Variants in HNRNPF observed in about 807,000 individuals in gnomAD.
The protein encoded by HNRNPF is HnRNP F protein.
In HNRNPF, 2 loss-of-function variants were observed where a neutral mutation model predicts 26.0. The ratio of observed to expected loss-of-function variants is 0.08; its 90% confidence interval spans 0.03 to 0.24. HNRNPF has a LOEUF of 0.24. Among genes scored for constraint, HNRNPF ranks in the 10% least tolerant of loss-of-function variants. The pLI, the probability that HNRNPF is intolerant of heterozygous loss-of-function variation, is 1.00. For synonymous variants in HNRNPF, 234 were observed against 211.5 expected (o/e 1.11, Z -0.92); for missense variants, 299 against 539.2 (o/e 0.55, Z 4.41).
At chr10:43,397,791 T>C (rs1838605521) in intron 1 of HNRNPF, among the ~76,000 whole-genome samples, 1 of 152,236 alleles carries the variant, frequency 6.6e-6, no homozygotes, top group African/African-American at 2.4e-5. Context: ...TATTGCAGAA[T>C]TGTAAATTTT....
chr10:43,397,413 A>T (rs1838588670), intron 1 of HNRNPF: 1 of 152,306 alleles, frequency 6.6e-6, no homozygotes, highest in Admixed American at 6.5e-5. Flanking sequence ...GGAGAGAGTC[A>T]GGGCGGCGGG....
intron 1 of HNRNPF, among the ~76,000 whole-genome samples, chr10:43,398,070 C>A (rs1184600820): frequency 1.3e-5 from 2 of 152,204 alleles, no homozygotes; most frequent in East Asian, 3.8e-4. Context: ...CTCTGTCACC[C>A]AGGCTGGAGT....
In HNRNPF at chr10:43,387,863, C is replaced by T; in HGVS notation, c.22G>A (p.Gly8Ser). Residue 8 changes from glycine to serine, a missense_variant, in exon 4 of 4, where the codon GGT becomes AGT. Gly to Ser is a moderately conservative substitution (Grantham distance 56). This residue lies in a region of HNRNPF where 104 missense variants were observed against 239.0 expected (regional missense o/e 0.44). Transcript: ENST00000682386. This position sits in a 1 kb window ranked among gnomAD's most constrained non-coding sequence, Gnocchi z 6.0. ...CGGAGCTTGACCACAAAGCCTTCAC[C>T]TCCCTCAGGGCCCAGCATCATGGAC... MMLGPEG[G>S]EGFVVKLRGL... 1 of 1,611,242 alleles carries T rather than the reference C, an allele frequency of 6.2e-7. No homozygotes were observed. Among genetic ancestry groups the T allele is most frequent in the Non-Finnish European group, 8.5e-7 (1 of 1,177,618 alleles).
intron 1 of HNRNPF, among the ~76,000 whole-genome samples, chr10:43,399,260 A>C (rs1004186219): frequency 6.6e-6 from 1 of 151,312 alleles, no homozygotes; most frequent in Non-Finnish European, 1.5e-5. Context: ...TTTTTTTTTT[A>C]ATTTTTTAGT....
intron 1 of HNRNPF, among the ~76,000 whole-genome samples, chr10:43,407,060 A>G (rs12571906): frequency 0.028 from 4,258 of 152,262 alleles, 96 homozygotes; most frequent in South Asian, 0.041. Context: ...CACGTATTTA[A>G]CTTTTAAAAA....
At position 43,387,657 on chromosome 10, in the gene HNRNPF, T is replaced by C. The variant is rs774708891; in HGVS notation, c.228A>G (p.Glu76=). 5 of 1,614,070 alleles carry C rather than the reference T, an allele frequency of 3.1e-6. No homozygotes were observed. In the East Asian group the frequency reaches 8.9e-5, roughly 29 times the overall value. ...CCTCAATGTACCGGTGTCCCATGCT[T>C]TCCCTGTCTTTTTTCAGGGCCATTT... ...DVKMALKKDR[E]SMGHRYIEVF... Residue 76 remains glutamate, a synonymous_variant, in exon 4 of 4, where the codon GAA becomes GAG. Transcript: ENST00000682386. The surrounding 1 kb of genome is among the most constrained non-coding windows in gnomAD (Gnocchi z 6.0).
Position 43,387,407 on chromosome 10 carries a change from C to A in HNRNPF, c.478G>T (p.Ala160Ser). 1.2e-6 allele frequency: 2 copies of A among 1,614,220 alleles called. No homozygotes were observed. The highest frequency in any genetic ancestry group is 1.7e-6 in the Non-Finnish European group (2 of 1,180,028). The change falls in exon 4 of 4, where the codon GCC becomes TCC. Residue 160 changes from alanine (A) to serine (S), a missense_variant. By Grantham distance (99) the Ala-to-Ser change is moderately conservative (BLOSUM62 1). This residue lies in a region of HNRNPF where 104 missense variants were observed against 239.0 expected (regional missense o/e 0.44). Transcript: ENST00000682386. This position sits in a 1 kb window ranked among gnomAD's most constrained non-coding sequence, Gnocchi z 6.0. ...KITGEAFVQF[A>S]SQELAEKALG... The stretch of plus-strand genomic sequence containing the variant: ...GCCTTCTCAGCTAACTCCTGCGAGG[C>A]AAACTGCACGAACGCTTCCCCTGTA...
intron 1 of HNRNPF, chr10:43,408,832 G>A (rs1589004114): frequency 6.6e-6 from 1 of 152,528 alleles, no homozygotes; most frequent in East Asian, 1.9e-4. Context: ...AGTTGTAGCA[G>A]AGGCAGTTGA....
intron 1 of HNRNPF, 152 bp downstream of exon 1, chr10:43,408,979 C>G (rs1465271932): frequency 6.6e-6 from 1 of 152,378 alleles, no homozygotes; most frequent in African/African-American, 2.4e-5. Context: ...CGGAAGCCCT[C>G]CTGCTCCCGG....
At position 43,387,270 on chromosome 10, in the gene HNRNPF, C is replaced by T. The variant is rs777048028; in HGVS notation, c.615G>A (p.Gln205=). 1.3e-5 allele frequency: 21 copies of T among 1,614,112 alleles called. No homozygotes were observed. The East Asian group carries it at 4.7e-4, about 36-fold the overall frequency. The change falls in exon 4 of 4, where the codon CAG becomes CAA. Residue 205 remains glutamine, a synonymous_variant. Transcript: ENST00000682386. The surrounding 1 kb of genome is among the most constrained non-coding windows in gnomAD (Gnocchi z 6.0). The part of the protein sequence containing the change: ...SDPPLKFMSV[Q]RPGPYDRPGT... ...CGGGCCGGTCATAGGGCCCTGGCCG[C>T]TGCACGGACATGAACTTCAGAGGGG...
chr10:43,388,839 C>G (rs1838132030), intron 3 of HNRNPF, among the ~76,000 whole-genome samples: 1 of 152,114 alleles, frequency 6.6e-6, no homozygotes, highest in Non-Finnish European at 1.5e-5. Flanking sequence ...GAGCAGCTGA[C>G]CTAGACAGCA....
In HNRNPF at chr10:43,386,632, C is replaced by G; in HGVS notation, c.*5G>C. 2 of 1,534,730 alleles carry G rather than the reference C, an allele frequency of 1.3e-6. No individual in the cohort carries two copies. Among genetic ancestry groups the G allele is most frequent in the Non-Finnish European group, 1.7e-6 (2 of 1,145,448 alleles). On this transcript the variant is annotated 3_prime_UTR_variant, in exon 4 of 4. Coordinates refer to ENST00000682386, the MANE Select transcript of HNRNPF (RefSeq NM_001098204.2). ...ATTGAAGTAACTCAAATGTTCCTAA[C>G]AAAACTAGTCATAGCCACCCATGCT...
At chr10:43,405,846 C>A (rs1564400072) in intron 1 of HNRNPF, among the ~76,000 whole-genome samples, 1 of 152,074 alleles carries the variant, frequency 6.6e-6, no homozygotes, top group Non-Finnish European at 1.5e-5. Flanking sequence ...GCGGTCTTGG[C>A]TGAGCTCAGT....
rs34164342 is a variant in HNRNPF, at chr10:43,409,129, AC to A, written c.-247+1del. On this transcript the variant is annotated splice_donor_variant, in intron 1 of 3. Transcript: ENST00000682386. LOFTEE classifies it low-confidence loss of function (5UTR_SPLICE). ...GCGATTCGGTGGCCCCCCGAACCCCACCTTGAGGAAGACGCGGCGCAGTCCT... is the reference window on the plus strand; with the variant it reads ...GCGATTCGGTGGCCCCCCGAACCCCACTTGAGGAAGACGCGGCGCAGTCCT... 6.6e-6 allele frequency: 1 copy of A among 152,368 alleles called. No individual in the cohort carries two copies. The highest frequency in any genetic ancestry group is 1.9e-4 in the East Asian group (1 of 5,188). 9.4% of individuals were successfully genotyped at this position (152,368 alleles called of 1,614,324 possible).
At chr10:43,393,258 T>C (rs1479794402) in intron 3 of HNRNPF, among the ~76,000 whole-genome samples, 1 of 152,344 alleles carries the variant, frequency 6.6e-6, no homozygotes, top group African/African-American at 2.4e-5. Context: ...AATTCCTGTA[T>C]GTACAAACAG....
At chr10:43,390,762 C>T (rs1838211416) in intron 3 of HNRNPF, among the ~76,000 whole-genome samples, 1 of 152,204 alleles carries the variant, frequency 6.6e-6, no homozygotes, top group African/African-American at 2.4e-5. Context: ...CAGCTGCACA[C>T]AGCCAGGCGA....
chr10:43,391,292 C>CAA (rs56118525), intron 3 of HNRNPF, among the ~76,000 whole-genome samples: 31 of 107,564 alleles, frequency 2.9e-4, no homozygotes, highest in African/African-American at 7.7e-4. Context: ...GACTCTGTCT[C>CAA]AAAAAAAAAA....
chr10:43,387,813 A>G lies in HNRNPF; in HGVS notation c.72T>C (p.Val24=). ...CAGAGAGGAAGTTCTGCACGTCCTCAACAGAGCAGGACCAGGGCAGGCCAC... is the reference window on the plus strand; with the variant it reads ...CAGAGAGGAAGTTCTGCACGTCCTCGACAGAGCAGGACCAGGGCAGGCCAC... ...KLRGLPWSCS[V]EDVQNFLSDC... is the part of the protein sequence containing the mutation. Residue 24 remains valine (V), a synonymous_variant, in exon 4 of 4, where the codon GTT becomes GTC. Transcript: ENST00000682386. This position sits in a 1 kb window ranked among gnomAD's most constrained non-coding sequence, Gnocchi z 6.0. 1 of 1,614,072 alleles carries G rather than the reference A, an allele frequency of 6.2e-7. No individual in the cohort carries two copies. Among genetic ancestry groups the G allele is most frequent in the Non-Finnish European group, 8.5e-7 (1 of 1,180,018 alleles).
At chr10:43,391,319 G>A (rs913310587) in intron 3 of HNRNPF, among the ~76,000 whole-genome samples, 2 of 151,416 alleles carry the variant, frequency 1.3e-5, no homozygotes, top group African/African-American at 2.4e-5. Flanking sequence ...TTACCTGGAC[G>A]TGGTGGTGGG....
Sources: allele counts gnomAD v4.1 joint callset (sites outside exome capture counted in the v4.1 genomes callset), GRCh38; gene constraint gnomAD v4.1.1; regional missense constraint gnomAD v4.1.1; non-coding constraint Gnocchi (gnomAD v3.1); transcripts MANE v1.5; gene names NCBI Gene and HGNC (gene_info 2026-07-23, HGNC 2026-07-21).